DPP10: variants seen among roughly 807,000 people sequenced by gnomAD.
DPP10 encodes inactive dipeptidyl peptidase 10.
In DPP10, 33 loss-of-function variants were observed where a neutral mutation model predicts 120.9. The ratio of observed to expected loss-of-function variants is 0.27; its 90% CI spans 0.21 to 0.37. The LOEUF (loss-of-function observed/expected upper bound fraction) is 0.37, where lower values mean the gene tolerates loss of function less well. DPP10 is among the 10% of genes least tolerant of loss of function. The pLI is 1.00. For synonymous variants in DPP10, 337 were observed against 326.1 expected, an observed-to-expected ratio of 1.03 and a Z score of -0.36; for missense variants, 816 against 942.8, an observed-to-expected ratio of 0.87 and a Z score of 1.76.
At chr2:115,744,886 A>G (rs1247074456) in intron 9 of DPP10, among the ~76,000 whole-genome samples, 5 of 149,986 alleles carry the variant, frequency 3.3e-5, no homozygotes, top group African/African-American at 7.3e-5. Context: ...TTTCTTTTCT[A>G]TATATCTCAT....
chr2:115,550,337 A>T (rs2079797579), intron 5 of DPP10, among the ~76,000 whole-genome samples: 1 of 152,042 alleles, frequency 6.6e-6, no homozygotes, highest in Admixed American at 6.6e-5. Flanking sequence ...TCAAGTTAGA[A>T]ATTTTCATTC....
intron 1 of DPP10, among the ~76,000 whole-genome samples, chr2:115,002,259 A>G (rs2105010178): frequency 6.6e-6 from 1 of 152,310 alleles, no homozygotes; most frequent in Non-Finnish European, 1.5e-5. Flanking sequence ...GCTGACAAAA[A>G]TAAGCAATGG....
Position 114,692,965 on chromosome 2 carries a change from G to A in DPP10, c.60+250127G>A, listed in dbSNP as rs576603308. On this transcript the variant is annotated intron_variant, in intron 1 of 25. Transcript: ENST00000410059. ...CTCCATCCCTTTATTTTAAGTCTATGTGTGTCTTTGCACGTGAGATGGGTC... is the reference window on the plus strand; with the variant it reads ...CTCCATCCCTTTATTTTAAGTCTATATGTGTCTTTGCACGTGAGATGGGTC... 1.3e-4 allele frequency among the ~76,000 whole-genome samples: 20 copies of A among 152,096 alleles called. 1 individual carries two copies. In the South Asian group the frequency reaches 4.2e-3, roughly 32 times the overall value.
At chr2:115,335,488 A>T (rs894518704) in intron 2 of DPP10, among the ~76,000 whole-genome samples, 1 of 152,048 alleles carries the variant, frequency 6.6e-6, no homozygotes, top group South Asian at 2.1e-4. Context: ...ACCATATTTC[A>T]TCTGCTGCCT....
intron 5 of DPP10, among the ~76,000 whole-genome samples, chr2:115,567,019 G>A (rs2081046247): frequency 6.6e-6 from 1 of 151,986 alleles, no homozygotes; most frequent in Non-Finnish European, 1.5e-5. Context: ...TTGCTAAATT[G>A]TGCCATTGTG....
At chr2:114,464,092 A>G (rs1159222614) in intron 1 of DPP10, among the ~76,000 whole-genome samples, 1 of 152,198 alleles carries the variant, frequency 6.6e-6, no homozygotes, top group Admixed American at 6.5e-5. Context: ...TAAAACTTCT[A>G]GAAACATTCA....
chr2:114,801,273 A>AAAAAAAAAAAAAAAAG (rs1278761461), intron 1 of DPP10, among the ~76,000 whole-genome samples: 13 of 77,802 alleles, frequency 1.7e-4, no homozygotes, highest in African/African-American at 4.1e-4. Flanking sequence ...AAAAAAAAAA[A>AAAAAAAAAAAAAAAAG]AAAAAAGAAA....
chr2:115,355,146 A>G (rs1181634247), intron 3 of DPP10, among the ~76,000 whole-genome samples: 1 of 152,170 alleles, frequency 6.6e-6, no homozygotes, highest in South Asian at 2.1e-4. Context: ...ACAATGGTGG[A>G]ACTAATTTAC....
At chr2:115,527,944 A>G (rs1303825361) in intron 5 of DPP10, among the ~76,000 whole-genome samples, 1 of 152,156 alleles carries the variant, frequency 6.6e-6, no homozygotes, top group East Asian at 1.9e-4. Flanking sequence ...TTTGGAAGAT[A>G]TTTTGATAGT....
chr2:114,601,821 T>A (rs577793552), intron 1 of DPP10, among the ~76,000 whole-genome samples: 3 of 152,098 alleles, frequency 2.0e-5, no homozygotes, highest in African/African-American at 7.2e-5. Context: ...ATGGTGTCAT[T>A]ACTTCATAGT....
chr2:115,264,798 T>C (rs924028645), intron 1 of DPP10, among the ~76,000 whole-genome samples: 2 of 152,212 alleles, frequency 1.3e-5, no homozygotes, highest in Non-Finnish European at 2.9e-5. Context: ...TATCAATATG[T>C]CATCTTTGTT....
At chr2:114,620,517 T>TA (rs1372553346) in intron 1 of DPP10, among the ~76,000 whole-genome samples, 2 of 152,152 alleles carry the variant, frequency 1.3e-5, no homozygotes, top group South Asian at 4.2e-4. Flanking sequence ...TAATTAAAAG[T>TA]AAAAAAACCT....
At chr2:114,492,271 T>C (rs1216801038) in intron 1 of DPP10, among the ~76,000 whole-genome samples, 3 of 152,290 alleles carry the variant, frequency 2.0e-5, no homozygotes, top group Non-Finnish European at 4.4e-5. Context: ...TATTGTATAA[T>C]TTTATTCCCA....
Position 114,624,608 on chromosome 2 carries a change from C to G in DPP10, c.60+181770C>G, listed in dbSNP as rs535870854. Among the ~76,000 whole-genome samples the G allele has an allele frequency of 2.6e-5, 4 of 151,988 alleles. No individual in the cohort carries two copies. In the East Asian group the frequency reaches 7.7e-4, roughly 29 times the overall value. Reference sequence around the variant, plus strand: ...AAAAGAGACATTTTTAGACTCCCATCATGTGGCAGGCACTCTGTGGTGCTT... The same window carrying G: ...AAAAGAGACATTTTTAGACTCCCATGATGTGGCAGGCACTCTGTGGTGCTT... On this transcript the variant is annotated intron_variant, in intron 1 of 25. Coordinates refer to ENST00000410059, the MANE Select transcript of DPP10 (RefSeq NM_020868.6).
At chr2:115,322,340 A>G (rs909002452) in intron 2 of DPP10, among the ~76,000 whole-genome samples, 3 of 152,080 alleles carry the variant, frequency 2.0e-5, no homozygotes, top group Non-Finnish European at 4.4e-5. Context: ...CTGTTTGATT[A>G]TTCTGTTTTC....
chr2:114,999,037 T>C (rs1459343563), intron 1 of DPP10, among the ~76,000 whole-genome samples: 1 of 152,216 alleles, frequency 6.6e-6, no homozygotes, highest in Non-Finnish European at 1.5e-5. Context: ...TGTCCTGGAA[T>C]ACCCAATGCT....
intron 1 of DPP10, among the ~76,000 whole-genome samples, chr2:114,547,640 T>C (rs1389818214): frequency 1.3e-5 from 2 of 152,184 alleles, no homozygotes; most frequent in Non-Finnish European, 2.9e-5. Context: ...TGTATGTGTT[T>C]ATAAATATAT....
intron 1 of DPP10, among the ~76,000 whole-genome samples, chr2:115,209,617 A>T (rs967862958): frequency 6.6e-6 from 1 of 152,026 alleles, no homozygotes; most frequent in Non-Finnish European, 1.5e-5. Context: ...CCTTGCTTTA[A>T]TCATTTTGTT....
chr2:115,658,770 G>GA (rs1225415459), intron 5 of DPP10, among the ~76,000 whole-genome samples: 1 of 151,992 alleles, frequency 6.6e-6, no homozygotes, highest in African/African-American at 2.4e-5. Flanking sequence ...CTAAAGCTCT[G>GA]AAAAACAACA....
Sources: gnomAD v4.1 joint callset for allele counts (sites outside exome capture counted in the v4.1 genomes callset) on GRCh38, gnomAD v4.1.1 for gene constraint, MANE v1.5 for transcripts, NCBI Gene and HGNC (gene_info 2026-07-23, HGNC 2026-07-21) for gene names.